The following CTXND2 variants were observed in gnomAD, a reference collection of about 807,000 sequenced individuals.
CTXND2 encodes the protein cortexin domain containing 2.
intron 1 of CTXND2, among the ~76,000 whole-genome samples, chr1:150,895,814 A>G (rs1668908705): frequency 6.6e-6 from 1 of 152,222 alleles, no homozygotes; most frequent in Non-Finnish European, 1.5e-5. Context: ...TGAGTGACAC[A>G]AAGATGACAC....
In CTXND2 at chr1:150,909,152, C is replaced by T. The variant is rs1471381135; in HGVS notation, c.-73-3090C>T. On this transcript the variant is annotated intron_variant, in intron 1 of 1. Coordinates refer to ENST00000636087, the Ensembl canonical transcript of CTXND2. ...ACTCGGGAGGGTGAGGCAGGAGAATCGCTTGAACCTGGGAGGCAGAGGTTG... is the reference window on the plus strand; with the variant it reads ...ACTCGGGAGGGTGAGGCAGGAGAATTGCTTGAACCTGGGAGGCAGAGGTTG... 2.0e-5 allele frequency among the ~76,000 whole-genome samples: 3 copies of T among 149,638 alleles called. No individual in the cohort carries two copies. In the Admixed American group the frequency reaches 2.0e-4, roughly 10 times the overall value.
rs587746445 is a variant in CTXND2 at position 150,909,538 on chromosome 1, CAA to C, written c.-73-2702_-73-2701del. On this transcript the variant is annotated intron_variant, in intron 1 of 1. Coordinates refer to ENST00000636087, the Ensembl canonical transcript of CTXND2. ...CACCATAGCACTCCAGCCTGGGTGA[CAA>C]AGTGAGACCCTGTCTCAAAGAAAAA... 1.4e-3 allele frequency among the ~76,000 whole-genome samples: 209 copies of C among 152,280 alleles called. 1 individual carries two copies. Among genetic ancestry groups the C allele is most frequent in the African/African-American group, 4.5e-3 (187 of 41,552 alleles).
chr1:150,894,563 GTATT>G (rs764813468), intron 1 of CTXND2, among the ~76,000 whole-genome samples: 5 of 152,188 alleles, frequency 3.3e-5, no homozygotes, highest in East Asian at 1.9e-4. Flanking sequence ...TGCATATAAT[GTATT>G]TATTTATTTA....
chr1:150,898,921 CAAA>C (rs750129735), intron 1 of CTXND2, among the ~76,000 whole-genome samples: 1 of 126,142 alleles, frequency 7.9e-6, no homozygotes, highest in African/African-American at 2.9e-5. Context: ...ACTAAAAATA[CAAA>C]AAAAAAAATA....
chr1:150,893,489 CA>C (rs1295171771), intron 1 of CTXND2, among the ~76,000 whole-genome samples: 1 of 152,040 alleles, frequency 6.6e-6, no homozygotes, highest in Admixed American at 6.6e-5. Context: ...GACAGGCTGT[CA>C]CTCTGTCACC....
chr1:150,912,204 C>T (rs746967784), intron 1 of CTXND2, 38 bp from the exon 2 acceptor site: 9 of 397,274 alleles, frequency 2.3e-5, no homozygotes, highest in Non-Finnish European at 3.1e-5. Flanking sequence ...CACATACACA[C>T]ACAAACCGAT....
At chr1:150,909,585 G>A (rs2102604642) in intron 1 of CTXND2, among the ~76,000 whole-genome samples, 1 of 152,106 alleles carries the variant, frequency 6.6e-6, no homozygotes, top group East Asian at 1.9e-4. Context: ...TTTTGATGAA[G>A]TCCAGTTTCT....
At chr1:150,912,395 C>T (rs895620008) in exon 2 of CTXND2, 2 of 398,350 alleles carry the variant, frequency 5.0e-6, no homozygotes, top group African/African-American at 4.1e-5. Context: ...TGTTTCTGTT[C>T]CTAATAGTGA....
At chr1:150,899,722 C>T (rs1668967181) in intron 1 of CTXND2, among the ~76,000 whole-genome samples, 1 of 152,062 alleles carries the variant, frequency 6.6e-6, no homozygotes, top group Non-Finnish European at 1.5e-5. Flanking sequence ...CTTTGGGAGG[C>T]CAAGGTGGGC....
At chr1:150,906,703 A>G (rs1250270626) in intron 1 of CTXND2, among the ~76,000 whole-genome samples, 1 of 152,126 alleles carries the variant, frequency 6.6e-6, no homozygotes, top group African/African-American at 2.4e-5. Context: ...GAGTATGCCT[A>G]GGAAGAAAAT....
At chr1:150,900,259 G>A (rs1474971380) in intron 1 of CTXND2, among the ~76,000 whole-genome samples, 1 of 152,088 alleles carries the variant, frequency 6.6e-6, no homozygotes, top group East Asian at 1.9e-4. Flanking sequence ...CCCACCGAGA[G>A]GAACGAACAA....
chr1:150,902,770 C>T (rs1352732073), intron 1 of CTXND2, among the ~76,000 whole-genome samples: 4 of 151,834 alleles, frequency 2.6e-5, no homozygotes, highest in African/African-American at 9.7e-5. Flanking sequence ...ATAAACAAGA[C>T]AAAATGACAA....
chr1:150,907,439 A>G (rs1049528373), intron 1 of CTXND2, among the ~76,000 whole-genome samples: 8 of 152,134 alleles, frequency 5.3e-5, no homozygotes, highest in African/African-American at 1.9e-4. Context: ...GGCGTTTGTG[A>G]CTTGTTTCTT....
chr1:150,905,658 A>G (rs776096828), intron 1 of CTXND2, among the ~76,000 whole-genome samples: 4 of 152,096 alleles, frequency 2.6e-5, no homozygotes, highest in Non-Finnish European at 4.4e-5. Flanking sequence ...AGTCAATCGT[A>G]TATCCACCAA....
At chr1:150,891,650 C>T (rs1668852002) in intron 1 of CTXND2, among the ~76,000 whole-genome samples, 1 of 152,200 alleles carries the variant, frequency 6.6e-6, no homozygotes, top group African/African-American at 2.4e-5. Flanking sequence ...GCTGCCTTTG[C>T]TACCAATCCT....
intron 1 of CTXND2, among the ~76,000 whole-genome samples, chr1:150,905,368 T>C (rs1669122711): frequency 7.1e-6 from 1 of 140,980 alleles, no homozygotes; most frequent in African/African-American, 2.5e-5. Flanking sequence ...GGTCTCGGAC[T>C]CCTGACCTCA....
chr1:150,898,252 C>A (rs766385621), intron 1 of CTXND2, among the ~76,000 whole-genome samples: 39 of 151,702 alleles, frequency 2.6e-4, no homozygotes, highest in Admixed American at 6.6e-5. Context: ...GGTTATTTAT[C>A]TGCAGATGCC....
exon 2 of CTXND2, chr1:150,912,369 G>T (rs1669269647): frequency 2.5e-6 from 1 of 398,404 alleles, no homozygotes; most frequent in Admixed American, 4.4e-5. Context: ...CTTTGCCATT[G>T]CCTTTGTTGT....
chr1:150,908,434 G>A (rs1165873322), intron 1 of CTXND2, among the ~76,000 whole-genome samples: 1 of 152,128 alleles, frequency 6.6e-6, no homozygotes, highest in Non-Finnish European at 1.5e-5. Context: ...CACTTAATCT[G>A]ACTTGATTCT....
Sources: gnomAD v4.1 joint callset for allele counts (sites outside exome capture counted in the v4.1 genomes callset) on GRCh38, gnomAD v4.1.1 for gene constraint, MANE v1.5 for transcripts, NCBI Gene and HGNC (gene_info 2026-07-23, HGNC 2026-07-21) for gene names.